SORCS1: variants seen among roughly 807,000 people sequenced by gnomAD.
SORCS1 encodes VPS10 domain-containing receptor SorCS1.
A neutral mutation model predicts 146.1 loss-of-function variants in SORCS1; 60 were observed. That is an observed-to-expected ratio of 0.41 (90% CI 0.33 to 0.51). SORCS1 has a LOEUF of 0.51. Ranked by LOEUF, SORCS1 falls within the 20% of genes least tolerant of loss-of-function variation. SORCS1 has a pLI of 0.21. For missense variants in SORCS1, 1,352 were observed against 1,487.6 expected, an observed-to-expected ratio of 0.91 and a Z score of 1.50; for synonymous variants, 637 against 584.0, an observed-to-expected ratio of 1.09 and a Z score of -1.31.
At chr10:107,019,996 T>C (rs969533860) in intron 1 of SORCS1, among the ~76,000 whole-genome samples, 4 of 152,148 alleles carry the variant, frequency 2.6e-5, no homozygotes, top group African/African-American at 9.7e-5. Flanking sequence ...ATGAAATCAT[T>C]AAACATATGG....
At chr10:106,813,290 G>A (rs1947568834) in intron 3 of SORCS1, among the ~76,000 whole-genome samples, 1 of 151,638 alleles carries the variant, frequency 6.6e-6, no homozygotes, top group Non-Finnish European at 1.5e-5. Flanking sequence ...CCACCCGCAA[G>A]CCCAGCTAAT....
chr10:106,869,964 T>A (rs1218981731), intron 2 of SORCS1, among the ~76,000 whole-genome samples: 1 of 138,380 alleles, frequency 7.2e-6, no homozygotes, highest in Non-Finnish European at 1.7e-5. Flanking sequence ...GCCCCAAAGC[T>A]CCTTCAGCTG....
intron 1 of SORCS1, among the ~76,000 whole-genome samples, chr10:107,101,202 C>T (rs1415271773): frequency 1.3e-5 from 2 of 152,168 alleles, no homozygotes; most frequent in Non-Finnish European, 2.9e-5. Context: ...TGCCACCACA[C>T]CTGGCTAATA....
At chr10:106,826,586 G>A (rs1948315905) in intron 3 of SORCS1, among the ~76,000 whole-genome samples, 1 of 152,232 alleles carries the variant, frequency 6.6e-6, no homozygotes, top group Non-Finnish European at 1.5e-5. Context: ...GGTGGGCGGA[G>A]TACATATTTC....
chr10:106,592,221 G>T (rs1396486073), intron 24 of SORCS1, among the ~76,000 whole-genome samples: 1 of 152,110 alleles, frequency 6.6e-6, no homozygotes, highest in Non-Finnish European at 1.5e-5. Context: ...AAGAAAAACT[G>T]CATGAAAACC....
At chr10:106,660,224 C>A (rs1053782156) in intron 17 of SORCS1, among the ~76,000 whole-genome samples, 2 of 152,140 alleles carry the variant, frequency 1.3e-5, no homozygotes, top group African/African-American at 2.4e-5. Context: ...TTAGCAGAAT[C>A]TAAGTGTTTT....
At chr10:107,065,414 C>CTTTTCTTTCTTTCT (rs1961660668) in intron 1 of SORCS1, among the ~76,000 whole-genome samples, 1 of 64,048 alleles carries the variant, frequency 1.6e-5, no homozygotes, top group Non-Finnish European at 2.7e-5. Context: ...TTCTCTCTTT[C>CTTTTCTTTCTTTCT]TTTTCTTTCT....
At chr10:106,872,422 C>T (rs904541315) in intron 2 of SORCS1, among the ~76,000 whole-genome samples, 4 of 152,284 alleles carry the variant, frequency 2.6e-5, no homozygotes, top group Admixed American at 6.5e-5. Flanking sequence ...TCATTCACCA[C>T]GATAACTGTG....
intron 1 of SORCS1, among the ~76,000 whole-genome samples, chr10:107,025,702 T>C (rs2133897442): frequency 6.6e-6 from 1 of 152,310 alleles, no homozygotes; most frequent in Middle Eastern, 3.4e-3. Flanking sequence ...ATTCAGATGG[T>C]CAGGCAAAGG....
At chr10:107,094,745 T>G (rs1179157170) in intron 1 of SORCS1, among the ~76,000 whole-genome samples, 14 of 152,256 alleles carry the variant, frequency 9.2e-5, no homozygotes, top group Non-Finnish European at 4.4e-5. Context: ...GATAAAGATA[T>G]AGTTTGCCAG....
intron 2 of SORCS1, among the ~76,000 whole-genome samples, chr10:106,897,358 G>T (rs1951530184): frequency 6.6e-6 from 1 of 152,234 alleles, no homozygotes; most frequent in Admixed American, 6.5e-5. Flanking sequence ...CATTGGTCCA[G>T]AAATGACAAA....
At chr10:106,688,133 A>T (rs1853003765) in intron 10 of SORCS1, 59 bp downstream of exon 10, 1 of 1,573,058 alleles carries the variant, frequency 6.4e-7, no homozygotes, top group African/African-American at 1.4e-5. Context: ...ACCCTCTGTT[A>T]AATATCCATT....
chr10:106,891,333 G>T (rs971554702), intron 2 of SORCS1, among the ~76,000 whole-genome samples: 3 of 149,048 alleles, frequency 2.0e-5, no homozygotes, highest in Admixed American at 6.6e-5. Context: ...ATTTTTAGAT[G>T]AACAACAAGT....
intron 1 of SORCS1, among the ~76,000 whole-genome samples, chr10:107,057,222 GA>G (rs1590038205): frequency 6.6e-6 from 1 of 151,818 alleles, no homozygotes; most frequent in Non-Finnish European, 1.5e-5. Context: ...TCCATCCCCA[GA>G]AAAAAAATTA....
intron 5 of SORCS1, among the ~76,000 whole-genome samples, chr10:106,751,175 G>A (rs1344819129): frequency 6.8e-6 from 1 of 147,884 alleles, no homozygotes; most frequent in African/African-American, 2.5e-5. Flanking sequence ...GAAATACCAC[G>A]CCTCTCAAGG....
intron 1 of SORCS1, among the ~76,000 whole-genome samples, chr10:107,039,678 G>A (rs914810200): frequency 1.4e-4 from 21 of 152,192 alleles, no homozygotes; most frequent in Middle Eastern, 3.2e-3. Context: ...TAAGAGCTCA[G>A]CAGCTGATCT....
At chr10:107,088,570 T>G (rs1028884019) in intron 1 of SORCS1, among the ~76,000 whole-genome samples, 9 of 152,164 alleles carry the variant, frequency 5.9e-5, no homozygotes, top group African/African-American at 1.9e-4. Context: ...AAAGTAGGCA[T>G]ATTGTTCAGT....
rs559158019 is a variant in SORCS1, at chr10:106,742,694, C to T, written c.960-12580G>A. Among the ~76,000 whole-genome samples the T allele has an allele frequency of 5.9e-5, 9 of 152,124 alleles. No homozygotes were observed. The East Asian group carries it at 7.7e-4, about 13-fold the overall frequency. On this transcript the variant is annotated intron_variant, in intron 5 of 25. Transcript: ENST00000263054. ...CACGCCTGGCCAATTTCATACAATACGTTTATTAGTTCTGTGCATAAAACC... is the reference window on the plus strand; with the variant it reads ...CACGCCTGGCCAATTTCATACAATATGTTTATTAGTTCTGTGCATAAAACC...
chr10:106,645,429 G>C (rs903221963), intron 18 of SORCS1, among the ~76,000 whole-genome samples: 1 of 152,168 alleles, frequency 6.6e-6, no homozygotes, highest in Non-Finnish European at 1.5e-5. Flanking sequence ...CTGACTTCAA[G>C]TGATCTGCCC....
Sources: gnomAD v4.1 joint callset for allele counts (sites outside exome capture counted in the v4.1 genomes callset) on GRCh38, gnomAD v4.1.1 for gene constraint, MANE v1.5 for transcripts, NCBI Gene and HGNC (gene_info 2026-07-23, HGNC 2026-07-21) for gene names.